The following TENM1 variants were observed in gnomAD, a reference collection of about 807,000 sequenced individuals.
The protein encoded by TENM1 is teneurin transmembrane protein 1.
TENM1 carries 35 observed loss-of-function variants against 174.8 expected under a neutral mutation model. The ratio of observed to expected loss-of-function variants is 0.20; its 90% CI spans 0.15 to 0.27. The LOEUF is 0.27. Among genes scored for constraint, TENM1 ranks in the 10% least tolerant of loss-of-function variants. The pLI, the probability that TENM1 is intolerant of heterozygous loss-of-function variation, is 1.00. For synonymous variants in TENM1, 781 were observed against 798.7 expected (o/e 0.98, Z 0.37); for missense variants, 1,633 against 2,130.1 (o/e 0.77, Z 4.59).
intron 1 of TENM1, among the ~76,000 whole-genome samples, chrX:124,924,201 A>T (rs1454938331): frequency 1.8e-5 from 2 of 111,648 alleles, no homozygotes; most frequent in African/African-American, 6.5e-5. Flanking sequence ...CCTTCTTAGA[A>T]ATCTGCAAAT....
chrX:125,011,611 G>T, the TENM1 span, among the ~76,000 whole-genome samples: 2 of 111,988 alleles, frequency 1.8e-5, no homozygotes, highest in African/African-American at 6.5e-5. Flanking sequence ...GGTCACTAGA[G>T]AAATGCAAAT....
chrX:124,529,986 G>A lies in TENM1; in HGVS notation c.2652-3C>T. On this transcript the variant is annotated splice_region_variant and splice_polypyrimidine_tract_variant and intron_variant, in intron 15 of 31. Transcript: ENST00000422452. ...GGCCTCGAATCACACAGGCACGCCT[G>A]CAACACAAGACCAAAGGCAAACAGA... 1 of 1,207,914 alleles carries A rather than the reference G, an allele frequency of 8.3e-7. No individual in the cohort carries two copies. The highest frequency in any genetic ancestry group is 1.1e-6 in the Non-Finnish European group (1 of 894,237).
At chrX:124,725,010 A>C (rs1698066224) in intron 4 of TENM1, among the ~76,000 whole-genome samples, 1 of 111,464 alleles carries the variant, frequency 9.0e-6, no homozygotes, top group Admixed American at 9.5e-5. Flanking sequence ...CCAGACACCA[A>C]AATCTGCTGA....
intron 3 of TENM1, among the ~76,000 whole-genome samples, chrX:124,783,728 A>AT (rs777462366): frequency 9.0e-6 from 1 of 111,560 alleles, no homozygotes. Flanking sequence ...TTTATTTTTT[A>AT]TTTTTTTAAA....
intron 16 of TENM1, among the ~76,000 whole-genome samples, chrX:124,525,604 CT>C (rs1404684338): frequency 8.9e-6 from 1 of 112,144 alleles, no homozygotes; most frequent in East Asian, 2.8e-4. Context: ...ATTATTCTCT[CT>C]CTTTTTAAAA....
chrX:124,916,007 C>T (rs768294841), intron 1 of TENM1, among the ~76,000 whole-genome samples: 6 of 111,792 alleles, frequency 5.4e-5, no homozygotes, highest in African/African-American at 2.0e-4. Flanking sequence ...TCCCTACTTT[C>T]AGCATCTCTA....
chrX:124,787,290 G>T (rs2055061171), intron 3 of TENM1, among the ~76,000 whole-genome samples: 1 of 111,294 alleles, frequency 9.0e-6, no homozygotes, highest in African/African-American at 3.3e-5. Flanking sequence ...TGTATCTCCA[G>T]ACACATTTTG....
At chrX:125,104,370 C>G in the TENM1 span, among the ~76,000 whole-genome samples, 842 of 112,138 alleles carry the variant, frequency 7.5e-3, 7 homozygotes, top group African/African-American at 0.025. Flanking sequence ...TTCCCAAACT[C>G]TTCCTCAAGA....
At chrX:124,901,886 A>T (rs891525275) in intron 1 of TENM1, among the ~76,000 whole-genome samples, 1 of 111,847 alleles carries the variant, frequency 8.9e-6, no homozygotes, top group Non-Finnish European at 1.9e-5. Context: ...TTTAACCATG[A>T]CCTGAGAAAT....
the TENM1 span, among the ~76,000 whole-genome samples, chrX:125,163,853 T>G: frequency 9.0e-6 from 1 of 111,724 alleles, no homozygotes; most frequent in Non-Finnish European, 1.9e-5. Context: ...CTTGATAACT[T>G]AAGTCTGTTT....
intron 3 of TENM1, among the ~76,000 whole-genome samples, chrX:124,794,216 G>A (rs896103878): frequency 9.0e-6 from 1 of 111,208 alleles, no homozygotes; most frequent in Non-Finnish European, 1.9e-5. Flanking sequence ...TCTAAATGTC[G>A]CTGTTTGCTG....
intron 4 of TENM1, among the ~76,000 whole-genome samples, chrX:124,722,061 AATG>A (rs2053322416): frequency 8.9e-6 from 1 of 112,417 alleles, no homozygotes; most frequent in Admixed American, 9.4e-5. Flanking sequence ...TACCTAAGTT[AATG>A]ATACTATTCA....
In TENM1 at chrX:124,783,813, A is replaced by T. The variant is rs901118827; in HGVS notation, c.536-46616T>A. Among the ~76,000 whole-genome samples, 3 of 112,276 alleles carry T rather than the reference A, an allele frequency of 2.7e-5. No individual in the cohort carries two copies. In the Admixed American group the frequency reaches 2.8e-4, roughly 11 times the overall value. On this transcript the variant is annotated intron_variant, in intron 3 of 31. Coordinates refer to ENST00000422452, the Ensembl canonical transcript of TENM1. The stretch of plus-strand genomic sequence containing the variant: ...AGAAAACTCTCAGTATCTCTCACAT[A>T]AAAAAATAGGGAACAGAGTTTAGGC...
intron 5 of TENM1, among the ~76,000 whole-genome samples, chrX:124,677,725 T>G (rs1030297536): frequency 9.0e-6 from 1 of 111,391 alleles, no homozygotes; most frequent in African/African-American, 3.3e-5. Flanking sequence ...ACTGAGAAAT[T>G]ATCAGATTGA....
intron 14 of TENM1, among the ~76,000 whole-genome samples, chrX:124,555,842 T>G (rs1201419474): frequency 8.9e-6 from 1 of 111,794 alleles, no homozygotes. Flanking sequence ...GTGCTCTAAT[T>G]GAAGAGGATC....
intron 11 of TENM1, among the ~76,000 whole-genome samples, chrX:124,574,573 G>T (rs2049123674): frequency 9.0e-6 from 1 of 111,022 alleles, no homozygotes; most frequent in Non-Finnish European, 1.9e-5. Context: ...AGTAAATTAG[G>T]CTGAAAGGGA....
At chrX:124,441,074 T>C (rs1275145846) in intron 23 of TENM1, among the ~76,000 whole-genome samples, 1 of 112,468 alleles carries the variant, frequency 8.9e-6, no homozygotes, top group Non-Finnish European at 1.9e-5. Flanking sequence ...CTCATTTAAC[T>C]GACATGACCT....
chrX:125,130,228 T>C, the TENM1 span, among the ~76,000 whole-genome samples: 1 of 110,440 alleles, frequency 9.1e-6, no homozygotes, highest in Non-Finnish European at 1.9e-5. Context: ...ACTTCAAAGA[T>C]GTACTTGTAG....
intron 1 of TENM1, among the ~76,000 whole-genome samples, chrX:124,925,855 G>T (rs905820839): frequency 1.3e-4 from 15 of 111,785 alleles, no homozygotes; most frequent in Admixed American, 4.7e-4. Flanking sequence ...TGACAACATG[G>T]ATTAGTAGTG....
Sources: allele counts gnomAD v4.1 joint callset (sites outside exome capture counted in the v4.1 genomes callset), GRCh38; gene constraint gnomAD v4.1.1; transcripts MANE v1.5; gene names NCBI Gene and HGNC (gene_info 2026-07-23, HGNC 2026-07-21).